The following EPHA3 variants were observed in gnomAD, a reference collection of about 807,000 sequenced individuals.
The protein encoded by EPHA3 is ephrin type-A receptor 3.
EPHA3 carries 42 observed loss-of-function variants against 107.1 expected under a neutral mutation model. The ratio of observed to expected loss-of-function variants is 0.39; its 90% CI spans 0.31 to 0.51. EPHA3 has a LOEUF of 0.51. Among genes scored for constraint, EPHA3 ranks in the 20% least tolerant of loss-of-function variants. EPHA3 has a pLI of 0.78. For missense variants in EPHA3, 1,183 were observed against 1,211.2 expected (o/e 0.98, Z 0.35); for synonymous variants, 461 against 424.8 (o/e 1.09, Z -1.05).
chr3:89,346,721 G>C (rs1401449642), intron 5 of EPHA3, among the ~76,000 whole-genome samples: 4 of 150,240 alleles, frequency 2.7e-5, no homozygotes, highest in Non-Finnish European at 4.5e-5. Flanking sequence ...GTATTGCCTA[G>C]GTTTTCTTCT....
chr3:89,143,534 G>C (rs2107022120), intron 2 of EPHA3, among the ~76,000 whole-genome samples: 1 of 151,662 alleles, frequency 6.6e-6, no homozygotes, highest in East Asian at 1.9e-4. Context: ...ATAGTGGTTG[G>C]AAATTTCATT....
At chr3:89,397,071 CTG>C (rs58497452) in intron 6 of EPHA3, among the ~76,000 whole-genome samples, 1,713 of 152,194 alleles carry the variant, frequency 0.011, 29 homozygotes, top group African/African-American at 0.038. Flanking sequence ...GCATAATCAA[CTG>C]TGCAAACTGC....
intron 3 of EPHA3, among the ~76,000 whole-genome samples, chr3:89,233,002 A>G (rs1242024569): frequency 6.6e-6 from 1 of 152,168 alleles, no homozygotes; most frequent in Admixed American, 6.5e-5. Context: ...ATATCCAAAA[A>G]TAGTCAAGTT....
chr3:89,377,314 T>G (rs114006715), intron 5 of EPHA3, among the ~76,000 whole-genome samples: 2,261 of 152,214 alleles, frequency 0.015, 42 homozygotes, highest in African/African-American at 0.052. Flanking sequence ...GAAGATTCAT[T>G]TCATATGTAC....
At chr3:89,404,877 A>G (rs1472490460) in intron 7 of EPHA3, among the ~76,000 whole-genome samples, 1 of 152,190 alleles carries the variant, frequency 6.6e-6, no homozygotes, top group African/African-American at 2.4e-5. Flanking sequence ...CTTTCTATAA[A>G]TTATTACAGT....
chr3:89,296,927 A>G (rs1706367539), intron 3 of EPHA3, among the ~76,000 whole-genome samples: 1 of 152,134 alleles, frequency 6.6e-6, no homozygotes, highest in Non-Finnish European at 1.5e-5. Context: ...TATTATGCAG[A>G]TAGCTTCTTT....
chr3:89,324,393 C>T (rs1369301949), intron 3 of EPHA3, among the ~76,000 whole-genome samples: 1 of 151,650 alleles, frequency 6.6e-6, no homozygotes, highest in African/African-American at 2.4e-5. Flanking sequence ...CTGGTCTCAT[C>T]CTCCTGAACT....
At chr3:89,435,897 G>T (rs1395670215) in intron 13 of EPHA3, among the ~76,000 whole-genome samples, 1 of 150,540 alleles carries the variant, frequency 6.6e-6, no homozygotes, top group African/African-American at 2.4e-5. Context: ...AGGTTGCAGC[G>T]AACGGAGATT....
intron 2 of EPHA3, among the ~76,000 whole-genome samples, chr3:89,136,410 G>C (rs1395824715): frequency 1.6e-5 from 2 of 126,646 alleles, no homozygotes; most frequent in Non-Finnish European, 1.6e-5. Flanking sequence ...AACGTGGACA[G>C]GTGCTAGAAA....
intron 15 of EPHA3, among the ~76,000 whole-genome samples, chr3:89,451,887 G>A (rs1409861211): frequency 6.6e-6 from 1 of 151,218 alleles, no homozygotes; most frequent in East Asian, 1.9e-4. Flanking sequence ...GGGCGTGTGT[G>A]TGTGTGTGTG....
rs757816598 is a variant in EPHA3, at chr3:89,133,990, T to C, written c.153+6717T>C. On this transcript the variant is annotated intron_variant, in intron 2 of 16. Transcript: ENST00000336596. The stretch of plus-strand genomic sequence containing the variant: ...ATCTGATCGAGAAATGGTTCACTGT[T>C]GTGTAGAATCAGAAAATGACACTTC... Among the ~76,000 whole-genome samples the C allele has an allele frequency of 3.8e-4, 58 of 151,976 alleles. 1 individual carries two copies. Among genetic ancestry groups the C allele is most frequent in the Non-Finnish European group, 1.6e-4 (11 of 68,014 alleles).
At position 89,300,000 on chromosome 3, in the gene EPHA3, T is replaced by A. The variant is rs182882793; in HGVS notation, c.815-40916T>A. ...TAATATTATTTTATTTTATTTATCA[T>A]GATTTGGCCACTAAGCCAAATAAAC... On this transcript the variant is annotated intron_variant, in intron 3 of 16. Transcript: ENST00000336596. 1.3e-3 allele frequency among the ~76,000 whole-genome samples: 197 copies of A among 152,122 alleles called. 3 individuals are homozygous for A. The highest frequency in any genetic ancestry group is 3.1e-4 in the Non-Finnish European group (21 of 67,902).
At position 89,431,167 on chromosome 3, in the gene EPHA3, T is replaced by C. The variant is rs1431565541; in HGVS notation, c.2154T>C (p.Phe718=). 2 of 1,613,738 alleles carry C rather than the reference T, an allele frequency of 1.2e-6. No individual in the cohort carries two copies. Among genetic ancestry groups the C allele is most frequent in the Non-Finnish European group, 8.5e-7 (1 of 1,179,912 alleles). ...CTTCCCAGAAACACGATGCCCAGTT[T>C]ACTGTCATTCAGCTAGTGGGGATGC... is the stretch of plus-strand genomic sequence containing the variant. ...DSFLRKHDAQ[F]TVIQLVGMLR... Residue 718 remains phenylalanine, a synonymous_variant, in exon 13 of 17, where the codon TTT becomes TTC. Coordinates refer to ENST00000336596, the MANE Select transcript of EPHA3 (RefSeq NM_005233.6).
At chr3:89,377,648 CA>C (rs1244733996) in intron 5 of EPHA3, among the ~76,000 whole-genome samples, 1 of 152,056 alleles carries the variant, frequency 6.6e-6, no homozygotes, top group Non-Finnish European at 1.5e-5. Context: ...ATTTTTCCCT[CA>C]TTTTTTTTCC....
intron 2 of EPHA3, among the ~76,000 whole-genome samples, chr3:89,203,846 G>A (rs1046676098): frequency 8.5e-5 from 13 of 152,090 alleles, no homozygotes; most frequent in South Asian, 6.2e-4. Flanking sequence ...GAAGAGTGGA[G>A]CTGAGGCTAC....
At chr3:89,281,213 A>G (rs1463844944) in intron 3 of EPHA3, among the ~76,000 whole-genome samples, 1 of 151,996 alleles carries the variant, frequency 6.6e-6, no homozygotes, top group Non-Finnish European at 1.5e-5. Flanking sequence ...TTTAGTAGAG[A>G]CGGGTTTCAC....
intron 3 of EPHA3, among the ~76,000 whole-genome samples, chr3:89,245,013 TA>T (rs909192743): frequency 2.0e-5 from 3 of 152,176 alleles, no homozygotes; most frequent in African/African-American, 7.2e-5. Context: ...GCAGAAAGGG[TA>T]AGTATTGTTG....
intron 2 of EPHA3, among the ~76,000 whole-genome samples, chr3:89,130,883 G>A (rs1295757714): frequency 1.3e-5 from 2 of 152,038 alleles, no homozygotes; most frequent in Non-Finnish European, 2.9e-5. Context: ...TGATCCGCCC[G>A]CCTTGGCCTC....
In EPHA3 at chr3:89,347,486, G is replaced by A. The variant is rs1281222601; in HGVS notation, c.1306+5396G>A. On this transcript the variant is annotated intron_variant, in intron 5 of 16. Transcript: ENST00000336596. ...TTTTGTATCCTGAGACTTTGCTGAA[G>A]TTGCTTATCAGCTTAAGGAGATTTT... is the stretch of plus-strand genomic sequence containing the variant. Among the ~76,000 whole-genome samples, 4 of 148,842 alleles carry A rather than the reference G, an allele frequency of 2.7e-5. No individual in the cohort carries two copies. The South Asian group carries it at 8.4e-4, about 31-fold the overall frequency.
Sources: allele counts gnomAD v4.1 joint callset (sites outside exome capture counted in the v4.1 genomes callset), GRCh38; gene constraint gnomAD v4.1.1; transcripts MANE v1.5; gene names NCBI Gene and HGNC (gene_info 2026-07-23, HGNC 2026-07-21).